FANCL: variants seen among roughly 807,000 people sequenced by gnomAD.
The protein encoded by FANCL is FA complementation group L.
A neutral mutation model predicts 59.4 loss-of-function variants in FANCL; 69 were observed. The observed-to-expected ratio is 1.16, with a 90% CI of 0.96 to 1.42. The LOEUF (loss-of-function observed/expected upper bound fraction) is 1.42, where lower values mean the gene tolerates loss of function less well. Ranked by LOEUF, FANCL falls within the 40% of genes most tolerant of loss-of-function variation. The pLI is 0.00. For missense variants in FANCL, 519 were observed against 447.2 expected (o/e 1.16, Z -1.45); for synonymous variants, 180 against 147.1 (o/e 1.22, Z -1.62).
chr2:58,228,589 G>A (rs1381546809), intron 3 of FANCL, among the ~76,000 whole-genome samples: 2 of 152,180 alleles, frequency 1.3e-5, no homozygotes, highest in African/African-American at 4.8e-5. Flanking sequence ...TTGAGTAGCT[G>A]CAACAGAGAT....
intron 1 of FANCL, 59 bp downstream of exon 1, chr2:58,241,159 T>C: frequency 2.5e-6 from 4 of 1,574,414 alleles, no homozygotes; most frequent in Non-Finnish European, 1.7e-6. Context: ...CACAGACTTC[T>C]CCGCGCAGCT....
chr2:58,193,995 T>C (rs559141836), intron 7 of FANCL, among the ~76,000 whole-genome samples: 1 of 152,308 alleles, frequency 6.6e-6, no homozygotes, highest in South Asian at 2.1e-4. Flanking sequence ...CTCCCTGCTA[T>C]GTAATAGGAC....
chr2:58,197,425 T>A (rs1254538682), intron 7 of FANCL, among the ~76,000 whole-genome samples: 4 of 152,158 alleles, frequency 2.6e-5, no homozygotes, highest in African/African-American at 9.6e-5. Context: ...AAATGTTTTT[T>A]CTCTTTGCCT....
intron 8 of FANCL, among the ~76,000 whole-genome samples, chr2:58,165,353 A>G (rs925284629): frequency 6.6e-6 from 1 of 152,204 alleles, no homozygotes; most frequent in Non-Finnish European, 1.5e-5. Context: ...AGATCTGAGC[A>G]CACTAATCTG....
chr2:58,161,544 A>T lies in FANCL; in HGVS notation c.998T>A (p.Phe333Tyr). The T allele has an allele frequency of 6.2e-7, 1 of 1,608,700 alleles. No individual in the cohort carries two copies. Among genetic ancestry groups the T allele is most frequent in the Non-Finnish European group, 8.5e-7 (1 of 1,175,402 alleles). Residue 333 changes from phenylalanine (F) to tyrosine (Y), a missense_variant, in exon 12 of 14, where the codon TTC becomes TAC. By Grantham distance (22) the Phe-to-Tyr change is conservative (BLOSUM62 3). Transcript: ENST00000233741. The stretch of plus-strand genomic sequence containing the variant: ...TACCTCATATAAGCATATTTGATGG[A>T]AAGGTTGTCCACACTGAGAATTATC... ...VCDNSQCGQP[F>Y]HQICLYEWLR...
chr2:58,197,228 T>C (rs72948858), intron 7 of FANCL, among the ~76,000 whole-genome samples: 1,646 of 151,838 alleles, frequency 0.011, 41 homozygotes, highest in African/African-American at 0.038. Flanking sequence ...AAAATGGCAT[T>C]TTGGCCTTGA....
At chr2:58,187,070 T>C (rs989421509) in intron 7 of FANCL, among the ~76,000 whole-genome samples, 5 of 152,094 alleles carry the variant, frequency 3.3e-5, no homozygotes, top group Admixed American at 6.5e-5. Context: ...ACTGGGTATA[T>C]ACCCAAAGGA....
At chr2:58,178,654 C>G (rs991975189) in intron 7 of FANCL, among the ~76,000 whole-genome samples, 1 of 152,088 alleles carries the variant, frequency 6.6e-6, no homozygotes, top group African/African-American at 2.4e-5. Context: ...TGGAAGCATT[C>G]CCTTTGCAAA....
At chr2:58,161,019 C>G (rs1214619455) in intron 12 of FANCL, among the ~76,000 whole-genome samples, 1 of 151,964 alleles carries the variant, frequency 6.6e-6, no homozygotes, top group Non-Finnish European at 1.5e-5. Flanking sequence ...AGTGGCATTG[C>G]CTGAGTGCTG....
chr2:58,207,985 A>G (rs1037323663), intron 5 of FANCL, among the ~76,000 whole-genome samples: 9 of 152,158 alleles, frequency 5.9e-5, no homozygotes, highest in African/African-American at 2.2e-4. Flanking sequence ...CTTGAGCTGA[A>G]AAGTTTGAGG....
intron 4 of FANCL, among the ~76,000 whole-genome samples, chr2:58,225,714 T>C (rs1156387633): frequency 1.3e-5 from 2 of 151,958 alleles, no homozygotes; most frequent in Non-Finnish European, 2.9e-5. Context: ...ACAAAGAAAG[T>C]AGAATATGTT....
At chr2:58,182,189 T>C (rs1398379310) in intron 7 of FANCL, among the ~76,000 whole-genome samples, 1 of 151,842 alleles carries the variant, frequency 6.6e-6, no homozygotes, top group Non-Finnish European at 1.5e-5. Flanking sequence ...TGTAACTTTT[T>C]CCACAATGAA....
intron 5 of FANCL, among the ~76,000 whole-genome samples, chr2:58,217,281 C>T: frequency 7.1e-6 from 1 of 141,216 alleles, no homozygotes; most frequent in Admixed American, 7.3e-5. Context: ...AATTTATTCT[C>T]TCATAGTTCT....
At chr2:58,176,417 G>C (rs1328457064) in intron 7 of FANCL, among the ~76,000 whole-genome samples, 3 of 151,702 alleles carry the variant, frequency 2.0e-5, no homozygotes, top group Non-Finnish European at 2.9e-5. Flanking sequence ...GCATGGTACT[G>C]GTACCAAAAC....
At chr2:58,173,262 A>G (rs964552254) in intron 7 of FANCL, among the ~76,000 whole-genome samples, 9 of 152,340 alleles carry the variant, frequency 5.9e-5, no homozygotes, top group Admixed American at 2.6e-4. Flanking sequence ...GCAGGCCAAC[A>G]TTCAGATTAA....
intron 5 of FANCL, among the ~76,000 whole-genome samples, chr2:58,219,701 G>C (rs988065448): frequency 1.3e-5 from 2 of 152,114 alleles, no homozygotes; most frequent in Non-Finnish European, 2.9e-5. Flanking sequence ...CCTATATCCA[G>C]CATGGCTCTA....
At chr2:58,189,273 A>G (rs770992806) in intron 7 of FANCL, among the ~76,000 whole-genome samples, 3 of 152,168 alleles carry the variant, frequency 2.0e-5, no homozygotes, top group African/African-American at 4.8e-5. Context: ...TTATATCTCA[A>G]TAAAGCTATT....
intron 5 of FANCL, among the ~76,000 whole-genome samples, chr2:58,209,966 G>A (rs1449691990): frequency 1.3e-5 from 2 of 152,106 alleles, no homozygotes; most frequent in Non-Finnish European, 2.9e-5. Context: ...ATCAGATTTA[G>A]TAAAACTCAG....
chr2:58,185,924 C>A (rs865857962), intron 7 of FANCL, among the ~76,000 whole-genome samples: 15 of 152,174 alleles, frequency 9.9e-5, no homozygotes, highest in African/African-American at 3.6e-4. Flanking sequence ...TTTTAAAAAA[C>A]ATATTAGTAC....
Sources: allele counts gnomAD v4.1 joint callset (sites outside exome capture counted in the v4.1 genomes callset), GRCh38; gene constraint gnomAD v4.1.1; transcripts MANE v1.5; gene names NCBI Gene and HGNC (gene_info 2026-07-23, HGNC 2026-07-21).